Variants in MLLT1 observed in about 807,000 individuals in gnomAD.
MLLT1 encodes the protein protein ENL.
MLLT1 carries 11 observed loss-of-function variants against 55.1 expected under a neutral mutation model. That is an observed-to-expected ratio of 0.20 (90% CI 0.13 to 0.33). MLLT1 has a LOEUF of 0.33. MLLT1 is among the 10% of genes least tolerant of loss of function. MLLT1 has a pLI of 1.00. For missense variants in MLLT1, 536 were observed against 760.6 expected (o/e 0.70, Z 3.47); for synonymous variants, 323 against 320.1 (o/e 1.01, Z -0.10).
intron 2 of MLLT1, among the ~76,000 whole-genome samples, chr19:6,265,071 A>C (rs1237248686): frequency 1.4e-5 from 2 of 147,928 alleles, no homozygotes; most frequent in East Asian, 2.0e-4. Context: ...AAAACAAAAA[A>C]AAACATGATG....
At chr19:6,254,286 G>A (rs1280154981) in intron 3 of MLLT1, among the ~76,000 whole-genome samples, 4 of 152,214 alleles carry the variant, frequency 2.6e-5, no homozygotes, top group Admixed American at 6.5e-5. Context: ...GGCATGGAAC[G>A]TCAGCACCCT....
Position 6,270,805 on chromosome 19 carries a change from A to G in MLLT1, c.13-46T>C, listed in dbSNP as rs376994621. On this transcript the variant is annotated intron_variant, in intron 1 of 11. Coordinates refer to ENST00000252674, the MANE Select transcript of MLLT1 (RefSeq NM_005934.4). The surrounding 1 kb of genome is among the most constrained non-coding windows in gnomAD (Gnocchi z 7.1). ...GAGATGAAGTCAGCACACGCCTCCA[A>G]GCAGGGGACTGTCCCCTTACCCACA... The G allele has an allele frequency of 2.9e-5, 45 of 1,544,752 alleles. No individual in the cohort carries two copies. In the Admixed American group the frequency reaches 5.8e-4, roughly 20 times the overall value.
chr19:6,243,995 G>A (rs2091141908), intron 3 of MLLT1, among the ~76,000 whole-genome samples: 1 of 137,168 alleles, frequency 7.3e-6, no homozygotes, highest in East Asian at 2.2e-4. Context: ...AGTGAGCCGA[G>A]ATCACGCCAC....
chr19:6,245,681 A>G (rs1329406880), intron 3 of MLLT1, among the ~76,000 whole-genome samples: 1 of 152,028 alleles, frequency 6.6e-6, no homozygotes, highest in Admixed American at 6.6e-5. Flanking sequence ...ACTGCACTCC[A>G]GCCTCGGCGA....
chr19:6,218,309 G>A (rs1288536684), intron 6 of MLLT1, among the ~76,000 whole-genome samples: 1 of 152,252 alleles, frequency 6.6e-6, no homozygotes, highest in Non-Finnish European at 1.5e-5. Context: ...TGTGGACCAC[G>A]TGGGCTCTCC....
At position 6,235,385 on chromosome 19, in the gene MLLT1, G is replaced by A. The variant is rs1211983945; in HGVS notation, c.277-4672C>T. Among the ~76,000 whole-genome samples, 1 of 152,168 alleles carries A rather than the reference G, an allele frequency of 6.6e-6. No homozygotes were observed. The highest frequency in any genetic ancestry group is 1.5e-5 in the Non-Finnish European group (1 of 68,006). On this transcript the variant is annotated intron_variant, in intron 3 of 11. Coordinates refer to ENST00000252674, the MANE Select transcript of MLLT1 (RefSeq NM_005934.4). This position sits in a 1 kb window ranked among gnomAD's most constrained non-coding sequence, Gnocchi z 5.5. ...CCTCACGGGCAGCATGGGGGGATTC[G>A]CTGCAATGCCACAGCCACAGTGCTC... is the stretch of plus-strand genomic sequence containing the variant.
rs533307709 is a variant in MLLT1 at position 6,233,684 on chromosome 19, G to A, written c.277-2971C>T. On this transcript the variant is annotated intron_variant, in intron 3 of 11. Transcript: ENST00000252674. ...GCGGCTTCCACCACAGGACTATGTG[G>A]AGGGATGCCAGGCCCTGGCGCCTCT... Among the ~76,000 whole-genome samples the A allele has an allele frequency of 2.0e-5, 3 of 152,358 alleles. No homozygotes were observed. In the East Asian group the frequency reaches 5.8e-4, roughly 29 times the overall value.
At position 6,219,165 on chromosome 19, in the gene MLLT1, C is replaced by T. The variant is rs1445227031; in HGVS notation, c.1111-1124G>A. ...GGGTCCCCACGAAAGCCCAAGGCCT[C>T]CCCAAGCAGCAGGTCCAGACTCACC... On this transcript the variant is annotated intron_variant, in intron 6 of 11. Transcript: ENST00000252674. This position sits in a 1 kb window ranked among gnomAD's most constrained non-coding sequence, Gnocchi z 4.5. 6.6e-6 allele frequency among the ~76,000 whole-genome samples: 1 copy of T among 152,112 alleles called. No individual in the cohort carries two copies. Among genetic ancestry groups the T allele is most frequent in the Non-Finnish European group, 1.5e-5 (1 of 67,990 alleles).
Position 6,217,991 on chromosome 19 carries a change from TGAGCTGGAGTCTGAGCTG to T in MLLT1, c.1143_1160del (p.Ser382_Ser387del). ...TCTGGGATGGCTCGAAGTCTGAGTC[TGAGCTGGAGTCTGAGCTG>T]GAGCTGGAGTTGGACGGGCTTGACT... On this transcript the variant is annotated inframe_deletion, in exon 7 of 12. Coordinates refer to ENST00000252674, the MANE Select transcript of MLLT1 (RefSeq NM_005934.4). 6.2e-7 allele frequency: 1 copy of T among 1,606,928 alleles called. No individual in the cohort carries two copies. The highest frequency in any genetic ancestry group is 8.5e-7 in the Non-Finnish European group (1 of 1,176,876).
intron 3 of MLLT1, among the ~76,000 whole-genome samples, chr19:6,234,906 A>AC (rs1003476715): frequency 1.6e-4 from 24 of 152,244 alleles, no homozygotes; most frequent in African/African-American, 5.1e-4. Flanking sequence ...AAACAAACAA[A>AC]AAAAAAAAAC....
At chr19:6,244,349 A>G (rs939016068) in intron 3 of MLLT1, among the ~76,000 whole-genome samples, 1 of 151,332 alleles carries the variant, frequency 6.6e-6, no homozygotes, top group Non-Finnish European at 1.5e-5. Context: ...CCTCCTCCTC[A>G]CTGTAAACGA....
intron 3 of MLLT1, among the ~76,000 whole-genome samples, chr19:6,250,497 T>C (rs2091203920): frequency 6.6e-6 from 1 of 152,168 alleles, no homozygotes; most frequent in South Asian, 2.1e-4. Flanking sequence ...GGCTCAAATC[T>C]CTTTATATAA....
chr19:6,246,819 C>A (rs943685049), intron 3 of MLLT1, among the ~76,000 whole-genome samples: 1 of 152,126 alleles, frequency 6.6e-6, no homozygotes, highest in African/African-American at 2.4e-5. Context: ...CTGAGACTGA[C>A]GAAGCTAACT....
chr19:6,260,658 G>C (rs2091297010), intron 3 of MLLT1, among the ~76,000 whole-genome samples: 1 of 152,268 alleles, frequency 6.6e-6, no homozygotes, highest in Non-Finnish European at 1.5e-5. Context: ...GGCCGTGTCA[G>C]GGACCAGACA....
At chr19:6,216,359 G>T in intron 8 of MLLT1, 46 bp downstream of exon 8, 2 of 1,410,916 alleles carry the variant, frequency 1.4e-6, no homozygotes, top group Non-Finnish European at 2.0e-6. Flanking sequence ...AGCCGGAGTC[G>T]CCCCGGGTGG....
At chr19:6,239,302 C>T (rs1162947186) in intron 3 of MLLT1, among the ~76,000 whole-genome samples, 3 of 152,228 alleles carry the variant, frequency 2.0e-5, no homozygotes, top group Non-Finnish European at 4.4e-5. Flanking sequence ...GTCCAGGATG[C>T]GATCCGACCG....
At chr19:6,277,503 T>C (rs1052853116) in intron 1 of MLLT1, among the ~76,000 whole-genome samples, 20 of 152,200 alleles carry the variant, frequency 1.3e-4, no homozygotes, top group Non-Finnish European at 2.9e-5. Flanking sequence ...TTAGTTTAAA[T>C]GTAAATCAGC....
At chr19:6,221,183 G>T (rs1313944746) in intron 6 of MLLT1, among the ~76,000 whole-genome samples, 1 of 152,204 alleles carries the variant, frequency 6.6e-6, no homozygotes, top group Non-Finnish European at 1.5e-5. Context: ...GCTTCCTTGA[G>T]GGCAAGCCGG....
chr19:6,237,973 A>G (rs1445719558), intron 3 of MLLT1, among the ~76,000 whole-genome samples: 1 of 151,928 alleles, frequency 6.6e-6, no homozygotes, highest in Non-Finnish European at 1.5e-5. Context: ...TGAGTGTAGT[A>G]GTGCACCTGT....
Sources: gnomAD v4.1 joint callset for allele counts (sites outside exome capture counted in the v4.1 genomes callset) on GRCh38, gnomAD v4.1.1 for gene constraint, Gnocchi (gnomAD v3.1) non-coding constraint, MANE v1.5 for transcripts, NCBI Gene and HGNC (gene_info 2026-07-23, HGNC 2026-07-21) for gene names.